The following ZDHHC4 variants were observed in gnomAD, a reference collection of about 807,000 sequenced individuals.
ZDHHC4 encodes zDHHC palmitoyltransferase 4.
In ZDHHC4, 42 loss-of-function variants were observed where a neutral mutation model predicts 36.7. The ratio of observed to expected loss-of-function variants is 1.14; its 90% CI spans 0.89 to 1.48. ZDHHC4 has a LOEUF of 1.48. ZDHHC4 is among the 40% of genes most tolerant of loss of function. The pLI is 0.00. For missense variants in ZDHHC4, 457 were observed against 421.5 expected (o/e 1.08, Z -0.74); for synonymous variants, 189 against 166.6 (o/e 1.13, Z -1.03).
In ZDHHC4 at chr7:6,583,315, C is replaced by G; in HGVS notation, c.380C>G (p.Thr127Arg). ...LTCGTNPGII[T>R]KANELLFLHV... ...TCCTTACTTTTCCCAGGCATTATAACAAAAGCAAATGAATTATTATTTCTT... is the reference window on the plus strand; with the variant it reads ...TCCTTACTTTTCCCAGGCATTATAAGAAAAGCAAATGAATTATTATTTCTT... Residue 127 changes from threonine (T) to arginine (R), a missense_variant, in exon 6 of 8, where the codon ACA becomes AGA. Coordinates refer to ENST00000335965, the MANE Select transcript of ZDHHC4 (RefSeq NM_001134389.2). 6.2e-7 allele frequency: 1 copy of G among 1,613,690 alleles called. No homozygotes were observed. Among genetic ancestry groups the G allele is most frequent in the Non-Finnish European group, 8.5e-7 (1 of 1,179,848 alleles).
At chr7:6,585,335 G>T in intron 7 of ZDHHC4, 75 bp downstream of exon 7, 1 of 1,558,500 alleles carries the variant, frequency 6.4e-7, no homozygotes, top group South Asian at 1.2e-5. Context: ...GTAAAAGCAT[G>T]AAGTTAGGTG....
chr7:6,587,686 G>A (rs2115195163), intron 7 of ZDHHC4, among the ~76,000 whole-genome samples: 1 of 152,158 alleles, frequency 6.6e-6, no homozygotes, highest in African/African-American at 2.4e-5. Flanking sequence ...CCCATTGTGT[G>A]ACCATCCCAG....
chr7:6,580,502 A>G (rs1319026423), intron 2 of ZDHHC4, 53 bp from the exon 3 acceptor site: 8 of 1,473,806 alleles, frequency 5.4e-6, no homozygotes, highest in Non-Finnish European at 1.9e-6. Flanking sequence ...AATGTGTGCC[A>G]TGGAAGAAAC....
intron 4 of ZDHHC4, 33 bp from the exon 5 acceptor site, chr7:6,582,040 C>G (rs760276141): frequency 1.3e-6 from 2 of 1,586,012 alleles, no homozygotes; most frequent in South Asian, 2.3e-5. Context: ...AAGAAGAAAC[C>G]CCCATGAACA....
At chr7:6,586,632 C>T (rs1456742807) in intron 7 of ZDHHC4, among the ~76,000 whole-genome samples, 12 of 152,056 alleles carry the variant, frequency 7.9e-5, no homozygotes, top group South Asian at 2.1e-4. Flanking sequence ...TGAGCCACCA[C>T]GCCTGGCTAA....
At chr7:6,584,925 C>A in intron 6 of ZDHHC4, 91 bp from the exon 7 acceptor site, 2 of 1,536,448 alleles carry the variant, frequency 1.3e-6, no homozygotes. Flanking sequence ...ATGACACATC[C>A]AGTGGACAGA....
chr7:6,587,395 TCTC>T (rs1781314386), intron 7 of ZDHHC4, among the ~76,000 whole-genome samples: 1 of 152,186 alleles, frequency 6.6e-6, no homozygotes, highest in South Asian at 2.1e-4. Context: ...AACAAGAAAG[TCTC>T]CTCCATCAGG....
intron 6 of ZDHHC4, 108 bp downstream of exon 6, chr7:6,583,539 G>T: frequency 1.4e-6 from 2 of 1,419,040 alleles, no homozygotes; most frequent in Non-Finnish European, 1.9e-6. Flanking sequence ...TTCACCCCCA[G>T]ATATGGTGTG....
chr7:6,588,782 C>T lies in ZDHHC4; in HGVS notation c.907C>T (p.Leu303Phe). ...GDWAWCQRCPLVAWPPSAEPQ... is the reference protein window; with the variant it reads ...GDWAWCQRCPFVAWPPSAEPQ... ...CTGGGCCTGGTGCCAGCGTTGTCCC[C>T]TTGTGGCCTGGCCTCCGTCAGCAGA... The change falls in exon 8 of 8, where the codon CTT (leucine) becomes TTT (phenylalanine). Residue 303 changes from leucine to phenylalanine, a missense_variant. By Grantham distance (22) the Leu-to-Phe change is conservative. Transcript: ENST00000335965. The T allele has an allele frequency of 3.1e-6, 5 of 1,614,238 alleles. No individual in the cohort carries two copies. The highest frequency in any genetic ancestry group is 4.2e-6 in the Non-Finnish European group (5 of 1,180,046).
chr7:6,580,968 A>G (rs1286808643), intron 3 of ZDHHC4: 1 of 391,156 alleles, frequency 2.6e-6, no homozygotes, highest in Non-Finnish European at 4.7e-6. Context: ...TAGTTCGTTG[A>G]TGGCAGTTGT....
intron 3 of ZDHHC4, among the ~76,000 whole-genome samples, chr7:6,581,330 G>T (rs1213878472): frequency 6.6e-6 from 1 of 152,210 alleles, no homozygotes. Context: ...CCTTCACATT[G>T]ACATTCCCCG....
chr7:6,585,389 C>T (rs566290715), intron 7 of ZDHHC4, 129 bp downstream of exon 7: 33 of 1,313,310 alleles, frequency 2.5e-5, no homozygotes, highest in South Asian at 3.0e-5. Flanking sequence ...TTTTGGAGGC[C>T]GAGGTGGGAG....
intron 2 of ZDHHC4, among the ~76,000 whole-genome samples, chr7:6,579,203 T>G (rs542801613): frequency 1.1e-3 from 163 of 151,932 alleles, no homozygotes; most frequent in African/African-American, 3.8e-3. Flanking sequence ...CCAGTGTCTT[T>G]TCTTTTTTTT....
intron 6 of ZDHHC4, 23 bp downstream of exon 6, chr7:6,583,454 C>T (rs573296043): frequency 5.6e-6 from 9 of 1,593,972 alleles, no homozygotes; most frequent in Non-Finnish European, 7.7e-6. Context: ...CTCGTGACTC[C>T]AGCGGCACCT....
At chr7:6,588,062 A>G in intron 7 of ZDHHC4, among the ~76,000 whole-genome samples, 1 of 152,078 alleles carries the variant, frequency 6.6e-6, no homozygotes, top group Non-Finnish European at 1.5e-5. Flanking sequence ...GAAGGGTTTC[A>G]CCATGTTGGC....
chr7:6,588,648 T>C lies in ZDHHC4; in HGVS notation c.773T>C (p.Phe258Ser). ...YLFLTFPRIV[F>S]MLGFVVVLSF... ...TTCCTGACTTTTCCACGGATTGTCTTCATGCTGGGCTTTGTCGTGGTTCTG... is the reference window on the plus strand; with the variant it reads ...TTCCTGACTTTTCCACGGATTGTCTCCATGCTGGGCTTTGTCGTGGTTCTG... Residue 258 changes from phenylalanine to serine, a missense_variant, in exon 8 of 8, where the codon TTC becomes TCC. Phe to Ser is a radical substitution (Grantham distance 155). Transcript: ENST00000335965. The C allele has an allele frequency of 6.2e-7, 1 of 1,614,212 alleles. No homozygotes were observed. Among genetic ancestry groups the C allele is most frequent in the Non-Finnish European group, 8.5e-7 (1 of 1,180,032 alleles).
intron 3 of ZDHHC4, 137 bp downstream of exon 3, chr7:6,580,815 G>T: frequency 2.5e-6 from 2 of 787,084 alleles, no homozygotes; most frequent in Non-Finnish European, 4.1e-6. Context: ...TACTCAGGAA[G>T]CTGAGGCAGG....
Position 6,582,252 on chromosome 7 carries a change from G to A in ZDHHC4, c.370+1G>A. The A allele has an allele frequency of 6.2e-7, 1 of 1,613,840 alleles. No homozygotes were observed. Among genetic ancestry groups the A allele is most frequent in the Non-Finnish European group, 8.5e-7 (1 of 1,179,850 alleles). ...ACCCTGACTTGTGGAACCAATCCTG[G>A]TAAGTTGAGGCTCTTAGCATACAGC... On this transcript the variant is annotated splice_donor_variant, in intron 5 of 7. Transcript: ENST00000335965. LOFTEE classifies it high-confidence loss of function.
chr7:6,580,157 CTTT>C (rs1048108637), intron 2 of ZDHHC4, among the ~76,000 whole-genome samples: 2 of 151,832 alleles, frequency 1.3e-5, no homozygotes, highest in African/African-American at 4.8e-5. Context: ...GTTTATCTTT[CTTT>C]TTTTATTTTT....
Sources: allele counts gnomAD v4.1 joint callset (sites outside exome capture counted in the v4.1 genomes callset), GRCh38; gene constraint gnomAD v4.1.1; transcripts MANE v1.5; gene names NCBI Gene and HGNC (gene_info 2026-07-23, HGNC 2026-07-21).